GSG1L: variants seen among roughly 807,000 people sequenced by gnomAD.
The protein encoded by GSG1L is germ cell-specific gene 1-like protein.
A neutral mutation model predicts 42.1 loss-of-function variants in GSG1L; 24 were observed. The ratio of observed to expected loss-of-function variants is 0.57; its 90% confidence interval spans 0.41 to 0.80. GSG1L has a LOEUF of 0.80. Ranked by LOEUF, GSG1L falls within the 30% of genes least tolerant of loss-of-function variation. The pLI is 0.00. For synonymous variants in GSG1L, 215 were observed against 203.5 expected (o/e 1.06, Z -0.48); for missense variants, 445 against 472.2 (o/e 0.94, Z 0.53).
intron 2 of GSG1L, among the ~76,000 whole-genome samples, chr16:27,944,218 A>G (rs1364221058): frequency 6.6e-6 from 1 of 152,230 alleles, no homozygotes; most frequent in East Asian, 1.9e-4. Flanking sequence ...ACCTTGCTGC[A>G]TTGTACTAAT....
chr16:27,803,904 T>G (rs1352238528), intron 6 of GSG1L, among the ~76,000 whole-genome samples: 1 of 151,242 alleles, frequency 6.6e-6, no homozygotes. Context: ...AATAGGTAGA[T>G]AGATGACACG....
chr16:27,828,873 C>T lies in GSG1L; in HGVS notation c.746G>A (p.Arg249Gln), dbSNP rs767489098. The T allele has an allele frequency of 1.6e-5, 26 of 1,614,002 alleles. No individual in the cohort carries two copies. The highest frequency in any genetic ancestry group is 1.1e-4 in the South Asian group (10 of 91,068). The change falls in exon 5 of 7, where the codon CGG becomes CAG. Residue 249 changes from arginine (R) to glutamine (Q), a missense_variant. This residue lies in a region of GSG1L where 140 missense variants were observed against 120.6 expected (regional missense o/e 1.16). Transcript: ENST00000447459. ...NSYTKTVIEF[R>Q]HKRKVFEQGY... Reference sequence around the variant, plus strand: ...CTGCTCAAAGACCTTGCGCTTGTGCCGGAACTCAATGACCGTCTTGGTGTA... The same window carrying T: ...CTGCTCAAAGACCTTGCGCTTGTGCTGGAACTCAATGACCGTCTTGGTGTA...
chr16:27,802,660 C>T (rs1344271327), intron 6 of GSG1L, among the ~76,000 whole-genome samples: 4 of 152,026 alleles, frequency 2.6e-5, no homozygotes, highest in Non-Finnish European at 5.9e-5. Context: ...ACTGTGTCTC[C>T]CTACCCTACA....
intron 1 of GSG1L, among the ~76,000 whole-genome samples, chr16:27,986,979 G>C (rs1361822227): frequency 6.6e-6 from 1 of 152,212 alleles, no homozygotes; most frequent in Non-Finnish European, 1.5e-5. Context: ...CACTTTGGGA[G>C]GCCAAGGCGG....
intron 5 of GSG1L, among the ~76,000 whole-genome samples, chr16:27,817,000 C>T (rs1279747291): frequency 6.6e-6 from 1 of 152,166 alleles, no homozygotes; most frequent in African/African-American, 2.4e-5. Context: ...AATAGCCCAC[C>T]ATAGTCTGGA....
chr16:28,038,653 A>G (rs1409570821), intron 1 of GSG1L, among the ~76,000 whole-genome samples: 1 of 152,196 alleles, frequency 6.6e-6, no homozygotes, highest in African/African-American at 2.4e-5. Flanking sequence ...AACCTCAAGC[A>G]TCGCCATCCG....
At chr16:27,921,696 C>G (rs928084179) in intron 2 of GSG1L, among the ~76,000 whole-genome samples, 2 of 152,194 alleles carry the variant, frequency 1.3e-5, no homozygotes, top group African/African-American at 4.8e-5. Context: ...GTTAGGGGAA[C>G]TGGCTTGATA....
chr16:27,907,305 C>A (rs552177741), intron 2 of GSG1L, among the ~76,000 whole-genome samples: 1 of 152,196 alleles, frequency 6.6e-6, no homozygotes, highest in Non-Finnish European at 1.5e-5. Context: ...GCGCCTGGAT[C>A]CAGCTGTGCC....
intron 1 of GSG1L, among the ~76,000 whole-genome samples, chr16:27,985,697 A>T (rs2141129692): frequency 6.6e-6 from 1 of 152,010 alleles, no homozygotes; most frequent in African/African-American, 2.4e-5. Flanking sequence ...AAAAAATACA[A>T]AGTTAGCCAG....
chr16:27,951,525 G>A (rs992499699), intron 2 of GSG1L, among the ~76,000 whole-genome samples: 2 of 152,186 alleles, frequency 1.3e-5, no homozygotes, highest in Non-Finnish European at 2.9e-5. Flanking sequence ...TGTGGAGGCA[G>A]GACCTTTGGG....
intron 2 of GSG1L, among the ~76,000 whole-genome samples, chr16:27,928,686 C>T (rs1241762649): frequency 1.3e-5 from 2 of 152,160 alleles, no homozygotes; most frequent in Non-Finnish European, 2.9e-5. Context: ...GTTAGAAAGT[C>T]GCCAAGCAGG....
At chr16:27,807,336 C>T (rs978274273) in intron 6 of GSG1L, 151 bp downstream of exon 6, 5 of 605,406 alleles carry the variant, frequency 8.3e-6, no homozygotes, top group Non-Finnish European at 1.1e-5. Flanking sequence ...CCCTGAGACA[C>T]CAGACTCAGT....
intron 1 of GSG1L, among the ~76,000 whole-genome samples, chr16:27,999,214 G>T (rs570062145): frequency 6.6e-6 from 1 of 152,160 alleles, no homozygotes; most frequent in Non-Finnish European, 1.5e-5. Context: ...AGGCCAAGGC[G>T]GGCAGATCAC....
chr16:27,906,437 T>C (rs1462206690), intron 2 of GSG1L, among the ~76,000 whole-genome samples: 1 of 152,188 alleles, frequency 6.6e-6, no homozygotes, highest in African/African-American at 2.4e-5. Context: ...CACCAGGCTC[T>C]GAAAAGCTGG....
chr16:27,980,126 A>G (rs1349092041), intron 1 of GSG1L, among the ~76,000 whole-genome samples: 2 of 152,096 alleles, frequency 1.3e-5, no homozygotes, highest in African/African-American at 2.4e-5. Flanking sequence ...GCCACAGGCA[A>G]AATCAAGGGG....
chr16:28,046,140 T>C (rs1166240963), intron 1 of GSG1L, among the ~76,000 whole-genome samples: 1 of 152,018 alleles, frequency 6.6e-6, no homozygotes, highest in African/African-American at 2.4e-5. Flanking sequence ...GAACAAAAAT[T>C]GGGGCTGACC....
At chr16:28,006,480 T>A (rs1473349118) in intron 1 of GSG1L, among the ~76,000 whole-genome samples, 1 of 151,896 alleles carries the variant, frequency 6.6e-6, no homozygotes. Flanking sequence ...GGCTAATTTT[T>A]GTATTTTTAG....
At chr16:27,802,597 C>T (rs1019297034) in intron 6 of GSG1L, among the ~76,000 whole-genome samples, 1 of 152,088 alleles carries the variant, frequency 6.6e-6, no homozygotes, top group Non-Finnish European at 1.5e-5. Context: ...AGCTCTTTCC[C>T]CACCGGCCTC....
At chr16:27,950,948 G>C (rs2084944094) in intron 2 of GSG1L, among the ~76,000 whole-genome samples, 1 of 152,120 alleles carries the variant, frequency 6.6e-6, no homozygotes. Flanking sequence ...TCCCCTCACG[G>C]ATTGTGAGTC....
Sources: allele counts gnomAD v4.1 joint callset (sites outside exome capture counted in the v4.1 genomes callset), GRCh38; gene constraint gnomAD v4.1.1; regional missense constraint gnomAD v4.1.1; transcripts MANE v1.5; gene names NCBI Gene and HGNC (gene_info 2026-07-23, HGNC 2026-07-21).